Variants in AGBL1 observed in about 807,000 individuals in gnomAD.
AGBL1 encodes the protein cytosolic carboxypeptidase 4.
In AGBL1, 130 loss-of-function variants were observed where a neutral mutation model predicts 118.9. The observed-to-expected ratio is 1.09, with a 90% CI of 0.95 to 1.26. The LOEUF (loss-of-function observed/expected upper bound fraction) is 1.26, where lower values mean the gene tolerates loss of function less well. Among genes scored for constraint, AGBL1 ranks in the 50% most tolerant of loss-of-function variants. The probability of loss-of-function intolerance (pLI) is 0.00; values close to 1 mark genes in which losing one functional copy is unlikely to be tolerated. For synonymous variants in AGBL1, 555 were observed against 478.9 expected (o/e 1.16, Z -2.08); for missense variants, 1,584 against 1,298.1 (o/e 1.22, Z -3.38).
At chr15:86,157,147 A>G (rs771629304) in intron 4 of AGBL1, among the ~76,000 whole-genome samples, 10 of 152,154 alleles carry the variant, frequency 6.6e-5, no homozygotes, top group Non-Finnish European at 1.5e-4. Context: ...ATTCATAAAA[A>G]GAAGGTATTT....
At chr15:86,181,989 G>A (rs2077559036) in intron 5 of AGBL1, among the ~76,000 whole-genome samples, 1 of 152,014 alleles carries the variant, frequency 6.6e-6, no homozygotes, top group African/African-American at 2.4e-5. Flanking sequence ...ATTGAGGGGA[G>A]TTTTGACAGA....
At position 86,763,641 on chromosome 15, in the gene AGBL1, A is replaced by T. The variant is rs140555045; in HGVS notation, c.3158+89205A>T. Among the ~76,000 whole-genome samples the T allele has an allele frequency of 6.3e-4, 95 of 151,994 alleles. No individual in the cohort carries two copies. In the East Asian group the frequency reaches 0.015, roughly 24 times the overall value. On this transcript the variant is annotated intron_variant, in intron 22 of 22. Transcript: ENST00000614907. ...AATGCCTAACACAGCTCTCACCTTTATTGGCCAAGATTATTGTCACTTGTC... is the reference window on the plus strand; with the variant it reads ...AATGCCTAACACAGCTCTCACCTTTTTTGGCCAAGATTATTGTCACTTGTC...
intron 23 of AGBL1, among the ~76,000 whole-genome samples, chr15:86,958,874 A>C (rs1237298840): frequency 6.6e-6 from 1 of 152,182 alleles, no homozygotes; most frequent in African/African-American, 2.4e-5. Flanking sequence ...TAGATTTAAA[A>C]ATATCAATAT....
intron 22 of AGBL1, among the ~76,000 whole-genome samples, chr15:86,792,307 T>A (rs1475317290): frequency 6.6e-6 from 1 of 152,172 alleles, no homozygotes; most frequent in East Asian, 1.9e-4. Flanking sequence ...ATTTGATTAA[T>A]CTGGGTAGAT....
At chr15:86,462,641 G>A (rs769330495) in intron 18 of AGBL1, among the ~76,000 whole-genome samples, 1 of 151,934 alleles carries the variant, frequency 6.6e-6, no homozygotes, top group East Asian at 1.9e-4. Context: ...GTGCCCATAT[G>A]TTCTCACTGT....
intron 21 of AGBL1, among the ~76,000 whole-genome samples, chr15:86,616,358 A>T (rs764871147): frequency 0.075 from 11,267 of 151,220 alleles, 641 homozygotes; most frequent in Non-Finnish European, 0.11. Context: ...AAAAAAAAAA[A>T]AAAAAAAAAA....
At chr15:86,081,931 G>T (rs542471787) in intron 1 of AGBL1, among the ~76,000 whole-genome samples, 1 of 152,086 alleles carries the variant, frequency 6.6e-6, no homozygotes, top group Non-Finnish European at 1.5e-5. Context: ...TGATCACCCC[G>T]GGGCACTGCT....
At chr15:87,011,531 T>C (rs2081560071) in intron 24 of AGBL1, among the ~76,000 whole-genome samples, 1 of 152,206 alleles carries the variant, frequency 6.6e-6, no homozygotes, top group Non-Finnish European at 1.5e-5. Flanking sequence ...AATATTCCCC[T>C]TGTATTCCTT....
intron 1 of AGBL1, among the ~76,000 whole-genome samples, chr15:86,120,362 G>A (rs563877457): frequency 1.3e-5 from 2 of 152,328 alleles, no homozygotes; most frequent in African/African-American, 2.4e-5. Context: ...TACTCAGTGA[G>A]CCTGTCTCCA....
chr15:86,416,058 T>C (rs2081689740), intron 18 of AGBL1, among the ~76,000 whole-genome samples: 1 of 152,182 alleles, frequency 6.6e-6, no homozygotes, highest in Admixed American at 6.5e-5. Context: ...ATAATGTAGA[T>C]ATCACTGTTA....
chr15:86,115,262 G>A (rs774642494), intron 1 of AGBL1, among the ~76,000 whole-genome samples: 7 of 152,176 alleles, frequency 4.6e-5, no homozygotes, highest in Non-Finnish European at 8.8e-5. Flanking sequence ...GATTGTGACT[G>A]TGAAGATGAA....
intron 22 of AGBL1, among the ~76,000 whole-genome samples, chr15:86,703,746 T>G (rs2086399751): frequency 6.6e-6 from 1 of 152,108 alleles, no homozygotes; most frequent in Non-Finnish European, 1.5e-5. Context: ...TCTTGCCTGC[T>G]GCCAGGTAAG....
chr15:86,380,277 C>CTT (rs1555475581), intron 17 of AGBL1, among the ~76,000 whole-genome samples: 1 of 82,648 alleles, frequency 1.2e-5, no homozygotes. Context: ...TCCTTCCTTC[C>CTT]TTTTTTTTTT....
chr15:86,391,416 T>A (rs1462939593), intron 17 of AGBL1, among the ~76,000 whole-genome samples: 3 of 152,030 alleles, frequency 2.0e-5, no homozygotes, highest in Non-Finnish European at 4.4e-5. Context: ...TTCCACTTCC[T>A]TTTCCACTCC....
intron 18 of AGBL1, among the ~76,000 whole-genome samples, chr15:86,505,824 T>A (rs985626116): frequency 1.3e-5 from 2 of 152,030 alleles, no homozygotes; most frequent in African/African-American, 4.8e-5. Flanking sequence ...GTATAGCCTA[T>A]GCTTTTTTGT....
chr15:87,021,018 C>T (rs1305530281), intron 24 of AGBL1, among the ~76,000 whole-genome samples: 1 of 151,842 alleles, frequency 6.6e-6, no homozygotes, highest in East Asian at 1.9e-4. Context: ...TCATATGAAA[C>T]CAAAAAAGAG....
chr15:86,892,847 A>G (rs1172934931), intron 22 of AGBL1, among the ~76,000 whole-genome samples: 1 of 152,202 alleles, frequency 6.6e-6, no homozygotes. Flanking sequence ...TGACAAACAC[A>G]AAACCCTAGG....
At position 86,497,655 on chromosome 15, in the gene AGBL1, G is replaced by T. The variant is rs146581711; in HGVS notation, c.2556-25155G>T. On this transcript the variant is annotated intron_variant, in intron 18 of 22. Coordinates refer to ENST00000614907, the MANE Select transcript of AGBL1 (RefSeq NM_001386094.1). ...CATTTTCTGAACTGGAGTGGGAGGG[G>T]ATATTGCTTAGTCATATAACCTGGA... is the stretch of plus-strand genomic sequence containing the variant. 2.3e-3 allele frequency among the ~76,000 whole-genome samples: 349 copies of T among 152,026 alleles called. 2 individuals are homozygous for T. Among genetic ancestry groups the T allele is most frequent in the Middle Eastern group, 0.01 (3 of 294 alleles).
chr15:86,451,207 C>A (rs112722878), intron 18 of AGBL1, among the ~76,000 whole-genome samples: 1 of 151,826 alleles, frequency 6.6e-6, no homozygotes, highest in Non-Finnish European at 1.5e-5. Context: ...GTGTGACTTT[C>A]TCAGTACTTC....
Sources: allele counts gnomAD v4.1 joint callset (sites outside exome capture counted in the v4.1 genomes callset), GRCh38; gene constraint gnomAD v4.1.1; transcripts MANE v1.5; gene names NCBI Gene and HGNC (gene_info 2026-07-23, HGNC 2026-07-21).